The following PDE7B variants were observed in gnomAD, a reference collection of about 807,000 sequenced individuals.
PDE7B encodes the protein 3',5'-cyclic-AMP phosphodiesterase 7B.
A neutral mutation model predicts 56.2 loss-of-function variants in PDE7B; 29 were observed. The ratio of observed to expected loss-of-function variants is 0.52; its 90% confidence interval spans 0.38 to 0.70. The LOEUF is 0.70. Ranked by LOEUF, PDE7B falls within the 30% of genes least tolerant of loss-of-function variation. PDE7B has a pLI of 0.00. For synonymous variants in PDE7B, 197 were observed against 196.9 expected (o/e 1.00, Z 0.00); for missense variants, 490 against 565.0 (o/e 0.87, Z 1.35).
intron 1 of PDE7B, among the ~76,000 whole-genome samples, chr6:135,870,157 G>T (rs1775348597): frequency 6.6e-6 from 1 of 152,190 alleles, no homozygotes; most frequent in Non-Finnish European, 1.5e-5. Context: ...CGATGGCCCG[G>T]AGTAAGCTGA....
chr6:136,002,793 G>A (rs1341455435), intron 2 of PDE7B, among the ~76,000 whole-genome samples: 1 of 151,888 alleles, frequency 6.6e-6, no homozygotes, highest in East Asian at 1.9e-4. Flanking sequence ...ACAGATCAAT[G>A]AGACAGAAAG....
At chr6:135,867,553 A>T (rs909497160) in intron 1 of PDE7B, among the ~76,000 whole-genome samples, 2 of 152,116 alleles carry the variant, frequency 1.3e-5, no homozygotes, top group Admixed American at 6.6e-5. Flanking sequence ...ACTACCCATT[A>T]GTTATTTTCC....
chr6:136,048,819 T>G (rs901006192), intron 2 of PDE7B, among the ~76,000 whole-genome samples: 1 of 152,210 alleles, frequency 6.6e-6, no homozygotes, highest in East Asian at 1.9e-4. Flanking sequence ...AATTTTGAGA[T>G]GCTGAATATT....
At chr6:136,110,017 G>A (rs770458973) in intron 3 of PDE7B, among the ~76,000 whole-genome samples, 6 of 152,158 alleles carry the variant, frequency 3.9e-5, no homozygotes, top group Non-Finnish European at 8.8e-5. Flanking sequence ...ATTAGAACCT[G>A]TTATTTCTGA....
intron 2 of PDE7B, among the ~76,000 whole-genome samples, chr6:136,002,492 A>G (rs1775689962): frequency 6.6e-6 from 1 of 152,226 alleles, no homozygotes; most frequent in African/African-American, 2.4e-5. Context: ...ATCAAAATAA[A>G]AGGATAGAGG....
intron 9 of PDE7B, among the ~76,000 whole-genome samples, chr6:136,174,123 A>G (rs893177509): frequency 2.0e-5 from 3 of 152,130 alleles, no homozygotes; most frequent in Non-Finnish European, 2.9e-5. Context: ...ACAGTCAGGA[A>G]AAGGGATAAT....
chr6:136,037,464 G>C (rs1175343051), intron 2 of PDE7B: 1 of 985,300 alleles, frequency 1.0e-6, no homozygotes, highest in Non-Finnish European at 1.2e-6. Flanking sequence ...TGTGGAGAAG[G>C]AGCGAGAGTG....
At chr6:136,054,382 G>T (rs1216746217) in intron 2 of PDE7B, among the ~76,000 whole-genome samples, 3 of 152,008 alleles carry the variant, frequency 2.0e-5, no homozygotes, top group Admixed American at 6.6e-5. Context: ...TGGCATTATT[G>T]CTGAGGACTC....
chr6:135,911,634 G>C (rs1307158163), intron 1 of PDE7B, among the ~76,000 whole-genome samples: 8 of 152,112 alleles, frequency 5.3e-5, no homozygotes, highest in Non-Finnish European at 1.2e-4. Flanking sequence ...TGTGTTTGCT[G>C]TGTATGAGAA....
chr6:136,147,212 A>C, intron 3 of PDE7B, 139 bp from the exon 4 acceptor site: 1 of 530,314 alleles, frequency 1.9e-6, no homozygotes, highest in Non-Finnish European at 3.4e-6. Context: ...TCAAATGTAG[A>C]GTTCAATAGA....
chr6:135,964,110 T>C (rs1318439177), intron 2 of PDE7B, among the ~76,000 whole-genome samples: 3 of 151,834 alleles, frequency 2.0e-5, no homozygotes, highest in Admixed American at 2.0e-4. Flanking sequence ...TTTTTTTTTC[T>C]TTTATTTTTT....
At chr6:136,038,501 A>G (rs1479139908) in intron 2 of PDE7B, 1 of 1,287,522 alleles carries the variant, frequency 7.8e-7, no homozygotes. Context: ...CATTCTGGAC[A>G]ATGAAGATGC....
chr6:135,889,750 A>ATTTT (rs35311247), intron 1 of PDE7B, among the ~76,000 whole-genome samples: 3 of 74,862 alleles, frequency 4.0e-5, no homozygotes, highest in Non-Finnish European at 7.1e-5. Flanking sequence ...CGGTGCTACC[A>ATTTT]TTTTTTTTTT....
intron 2 of PDE7B, among the ~76,000 whole-genome samples, chr6:136,018,797 CGTGTGTGTGTTT>C (rs1776021614): frequency 6.6e-6 from 1 of 151,624 alleles, no homozygotes; most frequent in South Asian, 2.1e-4. Context: ...TATACATATA[CGTGTGTGTGTTT>C]GTGTGTGTGT....
intron 2 of PDE7B, chr6:136,047,522 A>C (rs1244035966): frequency 6.6e-6 from 1 of 152,116 alleles, no homozygotes; most frequent in Non-Finnish European, 1.5e-5. Flanking sequence ...AATAGACAAA[A>C]TTGGACTAAA....
chr6:135,877,819 C>G (rs1382263763), intron 1 of PDE7B, among the ~76,000 whole-genome samples: 2 of 151,152 alleles, frequency 1.3e-5, no homozygotes, highest in Admixed American at 6.6e-5. Context: ...AAGCCAGCAA[C>G]GTCAGTGGAT....
At chr6:136,147,288 A>C in intron 3 of PDE7B, 63 bp from the exon 4 acceptor site, 2 of 1,077,856 alleles carry the variant, frequency 1.9e-6, no homozygotes, top group Non-Finnish European at 2.7e-6. Context: ...TTATTTTTAC[A>C]GAGTGGAGAA....
At chr6:135,864,931 T>G in intron 1 of PDE7B, among the ~76,000 whole-genome samples, 1 of 119,616 alleles carries the variant, frequency 8.4e-6, no homozygotes, top group African/African-American at 3.0e-5. Flanking sequence ...CCCAATGCTA[T>G]CCCTCCCCCC....
intron 1 of PDE7B, among the ~76,000 whole-genome samples, chr6:135,896,578 G>A (rs1775906181): frequency 6.6e-6 from 1 of 152,048 alleles, no homozygotes; most frequent in Middle Eastern, 3.2e-3. Context: ...TATTTGCTGT[G>A]ATCCTTGCAA....
Sources: gnomAD v4.1 joint callset for allele counts (sites outside exome capture counted in the v4.1 genomes callset) on GRCh38, gnomAD v4.1.1 for gene constraint, MANE v1.5 for transcripts, NCBI Gene and HGNC (gene_info 2026-07-23, HGNC 2026-07-21) for gene names.